The following SHANK2 variants were observed in gnomAD, a reference collection of about 807,000 sequenced individuals.
SHANK2 encodes SH3 and multiple ankyrin repeat domains protein 2.
In SHANK2, 43 loss-of-function variants were observed where a neutral mutation model predicts 133.7. The ratio of observed to expected loss-of-function variants is 0.32; its 90% CI spans 0.25 to 0.41. The LOEUF is 0.41. Ranked by LOEUF, SHANK2 falls within the 10% of genes least tolerant of loss-of-function variation. SHANK2 has a pLI of 1.00. For missense variants in SHANK2, 1,994 were observed against 2,235.8 expected, an observed-to-expected ratio of 0.89 and a Z score of 2.18; for synonymous variants, 1,017 against 952.8, an observed-to-expected ratio of 1.07 and a Z score of -1.24.
intron 10 of SHANK2, among the ~76,000 whole-genome samples, chr11:70,943,433 G>A (rs1555084736): frequency 6.6e-6 from 1 of 152,158 alleles, no homozygotes; most frequent in Non-Finnish European, 1.5e-5. Flanking sequence ...TGAGAACTAG[G>A]GCTCTGGCCA....
intron 6 of SHANK2, among the ~76,000 whole-genome samples, chr11:71,105,065 C>A (rs1951781760): frequency 6.6e-6 from 1 of 152,216 alleles, no homozygotes; most frequent in African/African-American, 2.4e-5. Context: ...TTGCCAAAAG[C>A]TGGAAGCAGC....
chr11:70,875,806 T>C (rs535909), intron 11 of SHANK2, among the ~76,000 whole-genome samples: 150,798 of 150,856 alleles, frequency 1, 75,370 homozygotes, highest in Middle Eastern at 1. Context: ...CAGTTGGCGG[T>C]GAATGCACTG....
chr11:71,056,852 GAAGA>G (rs1950927837), intron 9 of SHANK2, among the ~76,000 whole-genome samples: 1 of 151,052 alleles, frequency 6.6e-6, no homozygotes, highest in Admixed American at 6.6e-5. Flanking sequence ...AAGGAAGAAA[GAAGA>G]AAGAAAAGAA....
At position 70,922,960 on chromosome 11, in the gene SHANK2, GA is replaced by G. The variant is rs199737617; in HGVS notation, c.1108-26394del. Among the ~76,000 whole-genome samples, 594 of 149,852 alleles carry G rather than the reference GA, an allele frequency of 4.0e-3. 13 individuals are homozygous for G. The East Asian group carries it at 0.052, about 13-fold the overall frequency. On this transcript the variant is annotated intron_variant, in intron 10 of 25. Coordinates refer to ENST00000601538, the MANE Select transcript of SHANK2 (RefSeq NM_012309.5). ...AGCAAAGTTGAAAGGAGATAAATTT[GA>G]AAAAAAAATCCACACATTTGTAACT... is the stretch of plus-strand genomic sequence containing the variant.
At chr11:70,659,796 A>G (rs1591717116) in intron 17 of SHANK2, 32 bp downstream of exon 17, 6 of 1,613,328 alleles carry the variant, frequency 3.7e-6, no homozygotes, top group Non-Finnish European at 5.1e-6. Flanking sequence ...CGCTCTCCCC[A>G]AGCAGAAAGA....
At chr11:71,101,418 C>G (rs1951714856) in intron 6 of SHANK2, among the ~76,000 whole-genome samples, 1 of 152,122 alleles carries the variant, frequency 6.6e-6, no homozygotes, top group Admixed American at 6.5e-5. Flanking sequence ...ATAATTGGAC[C>G]CTTAAAAACA....
chr11:70,602,671 T>C (rs1172967988), intron 17 of SHANK2, among the ~76,000 whole-genome samples: 3 of 152,244 alleles, frequency 2.0e-5, no homozygotes, highest in South Asian at 4.1e-4. Flanking sequence ...CACTGAATAG[T>C]TGGACATTTT....
chr11:70,589,425 C>T (rs1245216627), intron 17 of SHANK2, among the ~76,000 whole-genome samples: 4 of 152,124 alleles, frequency 2.6e-5, no homozygotes, highest in African/African-American at 9.7e-5. Flanking sequence ...AGATTTACTG[C>T]TCAGAAAAAA....
At chr11:70,663,314 A>T (rs1187387086) in intron 15 of SHANK2, among the ~76,000 whole-genome samples, 3 of 152,038 alleles carry the variant, frequency 2.0e-5, no homozygotes, top group Non-Finnish European at 4.4e-5. Context: ...CAGCACAGCC[A>T]CCCCGGATTG....
chr11:70,502,138 G>A, intron 19 of SHANK2, 68 bp downstream of exon 19: 1 of 1,500,632 alleles, frequency 6.7e-7, no homozygotes. Context: ...ACAGCCTGGT[G>A]CTTTGCAAAG....
At chr11:70,513,860 A>G (rs1554969611) in intron 17 of SHANK2, among the ~76,000 whole-genome samples, 1 of 152,322 alleles carries the variant, frequency 6.6e-6, no homozygotes, top group East Asian at 1.9e-4. Context: ...AACAGAGAGT[A>G]TTAAGGATCA....
chr11:71,210,216 A>G lies in SHANK2; in HGVS notation c.-13+14481T>C, dbSNP rs1220371750. Among the ~76,000 whole-genome samples the G allele has an allele frequency of 2.5e-3, 101 of 40,084 alleles. 4 individuals carry two copies. The highest frequency in any genetic ancestry group is 0.019 in the Admixed American group (81 of 4,192). 26.3% of individuals were successfully genotyped at this position (40,084 alleles called of 152,430 possible). ...CTTCATTGGAAATCCACAGGTATAT[A>G]TATATATATATATATATATATATAT... is the stretch of plus-strand genomic sequence containing the variant. On this transcript the variant is annotated intron_variant, in intron 2 of 25. Coordinates refer to ENST00000601538, the MANE Select transcript of SHANK2 (RefSeq NM_012309.5).
intron 17 of SHANK2, among the ~76,000 whole-genome samples, chr11:70,519,179 T>G (rs1040080126): frequency 6.6e-6 from 1 of 152,060 alleles, no homozygotes; most frequent in Non-Finnish European, 1.5e-5. Context: ...AGTGCTAGGA[T>G]CATAGGCATG....
chr11:70,653,567 C>CAAAAA (rs1157982312), intron 17 of SHANK2, among the ~76,000 whole-genome samples: 21 of 61,576 alleles, frequency 3.4e-4, no homozygotes, highest in South Asian at 6.4e-4. Flanking sequence ...CTCAGCCTTC[C>CAAAAA]AAAAAAAAAA....
intron 1 of SHANK2, among the ~76,000 whole-genome samples, chr11:71,231,575 C>T (rs935099518): frequency 5.9e-5 from 9 of 152,284 alleles, no homozygotes; most frequent in East Asian, 5.8e-4. Flanking sequence ...CCTAGGCATT[C>T]GTCCCACAGA....
intron 14 of SHANK2, among the ~76,000 whole-genome samples, chr11:70,758,960 A>G (rs538394147): frequency 4.2e-4 from 63 of 151,232 alleles, no homozygotes; most frequent in Middle Eastern, 6.9e-3. Flanking sequence ...AGAGATCAAG[A>G]CCTTCCTGGC....
intron 15 of SHANK2, among the ~76,000 whole-genome samples, chr11:70,698,435 T>C (rs564114517): frequency 1.4e-4 from 22 of 152,286 alleles, no homozygotes; most frequent in South Asian, 1.0e-3. Flanking sequence ...GCAAAAACAA[T>C]GCTACCCAGC....
intron 12 of SHANK2, among the ~76,000 whole-genome samples, chr11:70,820,150 T>G (rs189284182): frequency 8.1e-4 from 123 of 152,304 alleles, no homozygotes; most frequent in African/African-American, 2.8e-3. Context: ...TTTCATCGTG[T>G]GCCTCCATGA....
At chr11:70,741,293 GTGCATCCAACTATCCATCCATCCA>G (rs1946521668) in intron 14 of SHANK2, among the ~76,000 whole-genome samples, 1 of 139,630 alleles carries the variant, frequency 7.2e-6, no homozygotes, top group Admixed American at 7.0e-5. Context: ...TCATCCATCC[GTGCATCCAACTATCCATCCATCCA>G]TGCATCCAAC....
Sources: allele counts gnomAD v4.1 joint callset (sites outside exome capture counted in the v4.1 genomes callset), GRCh38; gene constraint gnomAD v4.1.1; transcripts MANE v1.5; gene names NCBI Gene and HGNC (gene_info 2026-07-23, HGNC 2026-07-21).